Variants in SUN1 observed in about 807,000 individuals in gnomAD.
SUN1 encodes SUN domain-containing protein 1.
A neutral mutation model predicts 103.2 loss-of-function variants in SUN1; 61 were observed. The ratio of observed to expected loss-of-function variants is 0.59; its 90% CI spans 0.48 to 0.73. The LOEUF is 0.73. Ranked by LOEUF, SUN1 falls within the 30% of genes least tolerant of loss-of-function variation. The pLI is 0.00. For synonymous variants in SUN1, 490 were observed against 425.7 expected (o/e 1.15, Z -1.86); for missense variants, 1,052 against 1,034.6 (o/e 1.02, Z -0.23).
intron 11 of SUN1, among the ~76,000 whole-genome samples, chr7:855,265 C>T (rs868443217): frequency 6.6e-6 from 1 of 152,232 alleles, no homozygotes; most frequent in Non-Finnish European, 1.5e-5. Context: ...GTGGTTCTGC[C>T]GATTCCAGGC....
intron 1 of SUN1, among the ~76,000 whole-genome samples, chr7:835,984 C>T (rs745483208): frequency 3.3e-5 from 5 of 152,122 alleles, no homozygotes; most frequent in Non-Finnish European, 7.4e-5. Flanking sequence ...GCTGGACAGG[C>T]GGGAAGAAGG....
At chr7:838,750 A>G in intron 1 of SUN1, 48 bp from the exon 2 acceptor site, 8 of 1,449,828 alleles carry the variant, frequency 5.5e-6, no homozygotes, top group Non-Finnish European at 7.3e-6. Flanking sequence ...TTGTTTCAGA[A>G]TGGGGGCTAT....
Position 842,004 on chromosome 7 carries a change from A to AG in SUN1, c.327dup (p.Gln110AlafsTer33). On this transcript the variant is annotated frameshift_variant, in exon 3 of 19. Coordinates refer to ENST00000401592, the MANE Select transcript of SUN1 (RefSeq NM_001130965.3). LOFTEE classifies it high-confidence loss of function. The stretch of plus-strand genomic sequence containing the variant: ...AGCTTTTAGTATCAACCACGTGTCA[A>AG]GGCAGGTCACGTCCTCTGGCGTCAG... The AG allele has an allele frequency of 2.5e-6, 4 of 1,614,220 alleles. No homozygotes were observed. Among genetic ancestry groups the AG allele is most frequent in the Non-Finnish European group, 3.4e-6 (4 of 1,180,020 alleles).
chr7:834,603 T>G (rs1443576571), intron 1 of SUN1, among the ~76,000 whole-genome samples: 1 of 152,164 alleles, frequency 6.6e-6, no homozygotes, highest in African/African-American at 2.4e-5. Flanking sequence ...AGCCCTGACC[T>G]CTTTTCTGAA....
At chr7:855,661 T>A (rs1826439651) in intron 11 of SUN1, among the ~76,000 whole-genome samples, 1 of 152,210 alleles carries the variant, frequency 6.6e-6, no homozygotes, top group Non-Finnish European at 1.5e-5. Context: ...CCCTGTGAGA[T>A]CAGGCAGGTT....
At position 873,509 on chromosome 7, in the gene SUN1, T is replaced by G; in HGVS notation, c.*178T>G. On this transcript the variant is annotated 3_prime_UTR_variant, in exon 19 of 19. Transcript: ENST00000401592. ...GGGCGCCTTGGCGCCACCTGTTGGG[T>G]GCTCACTGCCTCTGCAGGTGCAGAG... is the stretch of plus-strand genomic sequence containing the variant. 1.6e-6 allele frequency: 1 copy of G among 626,432 alleles called. No individual in the cohort carries two copies. The highest frequency in any genetic ancestry group is 2.9e-5 in the Admixed American group (1 of 34,294). The allele number at this position is 626,432 out of a possible 1,614,324, so 38.8% of individuals were successfully genotyped here. A position where few individuals can be genotyped will look rare whatever the true frequency, so the allele number is the denominator to read the frequency against.
rs1263451231 is a variant in SUN1 at position 872,472 on chromosome 7, A to G, written c.2151A>G (p.Gly717=). 6.3e-7 allele frequency: 1 copy of G among 1,599,432 alleles called. No individual in the cohort carries two copies. Among genetic ancestry groups the G allele is most frequent in the Admixed American group, 1.7e-5 (1 of 57,704 alleles). Residue 717 remains glycine, a splice_region_variant and synonymous_variant, in exon 18 of 19, where the codon GGA becomes GGG. Transcript: ENST00000401592. ...ATTGTGTATGGTCTTGTTTTCAGGG[A>G]TTAGAAAATGAGTATCAGGAAGAAG... ...SSAPKDFAVY[G]LENEYQEEGQ...
chr7:864,272 G>A (rs1332810271), intron 15 of SUN1, among the ~76,000 whole-genome samples: 1 of 152,064 alleles, frequency 6.6e-6, no homozygotes, highest in Non-Finnish European at 1.5e-5. Context: ...ATTAGGCCAG[G>A]TGTAGTGGCT....
At chr7:831,110 C>T (rs1797513660), upstream of SUN1, 2 of 664,666 alleles carry the variant, frequency 3.0e-6, no homozygotes, top group Non-Finnish European at 3.7e-6. Flanking sequence ...CAGGTATTAA[C>T]TATTACGTGG....
chr7:831,881 A>G (rs1798325132), upstream of SUN1: 1 of 242,010 alleles, frequency 4.1e-6, no homozygotes, highest in Non-Finnish European at 6.6e-6. Context: ...AGAGGAAAGT[A>G]TGAGTCATTC....
At chr7:853,223 G>A in intron 9 of SUN1, 186 bp from the exon 10 acceptor site, 1 of 762,774 alleles carries the variant, frequency 1.3e-6, no homozygotes, top group South Asian at 1.9e-5. Context: ...AGAAGAAAAT[G>A]AGAAGCACCC....
chr7:839,073 CCT>C lies in SUN1; in HGVS notation c.266+88_266+89del, dbSNP rs1408842435. The C allele has an allele frequency of 7.4e-6, 10 of 1,347,204 alleles. No homozygotes were observed. The East Asian group carries it at 1.5e-4, about 21-fold the overall frequency. The allele number at this position is 1,347,204 out of a possible 1,614,324, so 83.5% of individuals were successfully genotyped here. ...TACTTTTTGGTCTGTAAAGCCGCACCCTGTCTCGAGCTTAAGGATATGTGTGT... is the reference window on the plus strand; with the variant it reads ...TACTTTTTGGTCTGTAAAGCCGCACCGTCTCGAGCTTAAGGATATGTGTGT... On this transcript the variant is annotated intron_variant, in intron 2 of 18. Transcript: ENST00000401592.
chr7:863,331 C>T (rs1349876909), intron 15 of SUN1, among the ~76,000 whole-genome samples: 1 of 152,098 alleles, frequency 6.6e-6, no homozygotes, highest in African/African-American at 2.4e-5. Context: ...CGCCAGGGCC[C>T]CTGGAGTGCC....
chr7:819,901 G>T (rs558369898), intron 1 of SUN1, among the ~76,000 whole-genome samples: 1 of 152,020 alleles, frequency 6.6e-6, no homozygotes, highest in Non-Finnish European at 1.5e-5. Flanking sequence ...TAGAGACAGG[G>T]TTTCACCTTG....
Position 869,434 on chromosome 7 carries a change from C to T in SUN1, c.2066C>T (p.Ala689Val), listed in dbSNP as rs1241560970. The change falls in exon 17 of 19, where the codon GCC becomes GTC. Residue 689 changes from alanine (A) to valine (V), a missense_variant. Coordinates refer to ENST00000401592, the MANE Select transcript of SUN1 (RefSeq NM_001130965.3). ...AGGCTCTCCATGATGATCCACCCAG[C>T]CGCCTTCACTCTGGAGCACATCCCT... ...VVRLSMMIHP[A>V]AFTLEHIPKT... The T allele has an allele frequency of 1.2e-6, 2 of 1,613,822 alleles. No homozygotes were observed. Among genetic ancestry groups the T allele is most frequent in the Admixed American group, 3.3e-5 (2 of 60,002 alleles).
At chr7:841,036 C>T (rs1311834625) in intron 2 of SUN1, among the ~76,000 whole-genome samples, 4 of 151,926 alleles carry the variant, frequency 2.6e-5, no homozygotes, top group Non-Finnish European at 5.9e-5. Flanking sequence ...CAGGTTCAAG[C>T]GATTCTCCAG....
At chr7:832,183 A>T (rs977691326), upstream of SUN1, 1 of 818,366 alleles carries the variant, frequency 1.2e-6, no homozygotes, top group African/African-American at 1.8e-5. Context: ...TTAAAAACAC[A>T]TCTTGAAGAG....
intron 7 of SUN1, chr7:852,280 C>G (rs1247743046): frequency 2.0e-5 from 12 of 598,936 alleles, no homozygotes; most frequent in Non-Finnish European, 2.9e-5. Flanking sequence ...AGGGCCTGGG[C>G]AGGATGGGGG....
At chr7:851,618 C>A in intron 6 of SUN1, 136 bp downstream of exon 6, 1 of 793,548 alleles carries the variant, frequency 1.3e-6, no homozygotes, top group Non-Finnish European at 2.0e-6. Flanking sequence ...GTGTCTCGTT[C>A]TTTATGACGT....
Sources: gnomAD v4.1 joint callset for allele counts (sites outside exome capture counted in the v4.1 genomes callset) on GRCh38, gnomAD v4.1.1 for gene constraint, MANE v1.5 for transcripts, NCBI Gene and HGNC (gene_info 2026-07-23, HGNC 2026-07-21) for gene names.